Variants in SDAD1 observed in about 807,000 individuals in gnomAD.
SDAD1 encodes protein SDA1 homolog.
SDAD1 carries 79 observed loss-of-function variants against 100.3 expected under a neutral mutation model. That is an observed-to-expected ratio of 0.79 (90% CI 0.66 to 0.95). The LOEUF (loss-of-function observed/expected upper bound fraction) is 0.95, where lower values mean the gene tolerates loss of function less well. Ranked by LOEUF, SDAD1 falls within the 40% of genes least tolerant of loss-of-function variation. The probability of loss-of-function intolerance (pLI) is 0.00; values close to 1 mark genes in which losing one functional copy is unlikely to be tolerated. For synonymous variants in SDAD1, 267 were observed against 271.4 expected, an observed-to-expected ratio of 0.98 and a Z score of 0.16; for missense variants, 790 against 810.9, an observed-to-expected ratio of 0.97 and a Z score of 0.31.
intron 13 of SDAD1, among the ~76,000 whole-genome samples, chr4:75,965,316 C>T (rs1729475607): frequency 6.6e-6 from 1 of 152,222 alleles, no homozygotes; most frequent in Non-Finnish European, 1.5e-5. Context: ...TGTCTGCTCT[C>T]AAACCCTGTC....
chr4:75,953,073 G>C (rs1728702270), intron 21 of SDAD1, among the ~76,000 whole-genome samples: 1 of 152,096 alleles, frequency 6.6e-6, no homozygotes, highest in South Asian at 2.1e-4. Context: ...AGAAAATACA[G>C]GGCAAAGGGA....
At chr4:75,956,228 C>T (rs1728884969) in intron 20 of SDAD1, 92 bp from the exon 21 acceptor site, 2 of 1,382,946 alleles carry the variant, frequency 1.4e-6, no homozygotes, top group Non-Finnish European at 2.0e-6. Flanking sequence ...GTCAGAAGCT[C>T]TACTAGGTGC....
intron 17 of SDAD1, among the ~76,000 whole-genome samples, chr4:75,959,097 CAAAAAAA>C (rs61245198): frequency 2.3e-3 from 125 of 54,966 alleles, no homozygotes; most frequent in African/African-American, 9.7e-3. Flanking sequence ...GACTCTGTCT[CAAAAAAA>C]AAAAAAAAAA....
Position 75,955,984 on chromosome 4 carries a change from T to C in SDAD1, c.2007A>G (p.Arg669=). ...TTCAAGTGGAACTCACCTGTTTTTCTCGGAAGGAACGCTTATTTTTTGACC... is the reference window on the plus strand; with the variant it reads ...TTCAAGTGGAACTCACCTGTTTTTCCCGGAAGGAACGCTTATTTTTTGACC... ...NVRSKNKRSF[R]EKQLALRDAL... The change falls in exon 21 of 22, where the codon CGA becomes CGG. Residue 669 remains arginine (R), a synonymous_variant. Transcript: ENST00000356260. 8.1e-6 allele frequency: 13 copies of C among 1,596,572 alleles called. No individual in the cohort carries two copies. The highest frequency in any genetic ancestry group is 1.1e-5 in the Non-Finnish European group (13 of 1,175,848).
chr4:75,957,481 A>T, intron 19 of SDAD1, 37 bp downstream of exon 19: 1 of 1,612,094 alleles, frequency 6.2e-7, no homozygotes, highest in Non-Finnish European at 8.5e-7. Context: ...TTACCACATG[A>T]GCTGACTGAA....
intron 6 of SDAD1, among the ~76,000 whole-genome samples, chr4:75,974,358 G>A (rs1299081431): frequency 1.4e-5 from 2 of 143,112 alleles, no homozygotes; most frequent in Non-Finnish European, 3.0e-5. Context: ...CATTAAGACA[G>A]ACTATTTAAA....
chr4:75,970,099 G>A (rs995154516), intron 10 of SDAD1, among the ~76,000 whole-genome samples: 1 of 151,598 alleles, frequency 6.6e-6, no homozygotes, highest in African/African-American at 2.4e-5. Context: ...AGAAACATCC[G>A]TTTTTCCATA....
At chr4:75,978,816 A>C (rs59559903) in intron 3 of SDAD1, among the ~76,000 whole-genome samples, 25,484 of 147,362 alleles carry the variant, frequency 0.17, 3,261 homozygotes, top group African/African-American at 0.36. Context: ...TCTCTACACA[A>C]AAAAAAAAAA....
intron 6 of SDAD1, among the ~76,000 whole-genome samples, chr4:75,974,656 C>T (rs1298364875): frequency 6.6e-6 from 1 of 151,964 alleles, no homozygotes; most frequent in East Asian, 1.9e-4. Context: ...TTGCAGTGAG[C>T]CAAGATCACA....
At chr4:75,988,514 T>C (rs1430470056) in intron 1 of SDAD1, among the ~76,000 whole-genome samples, 1 of 152,190 alleles carries the variant, frequency 6.6e-6, no homozygotes, top group Non-Finnish European at 1.5e-5. Context: ...AATACCCATC[T>C]CACCCCCAAC....
At chr4:75,955,034 GT>G (rs1197017282) in intron 21 of SDAD1, among the ~76,000 whole-genome samples, 6 of 152,192 alleles carry the variant, frequency 3.9e-5, no homozygotes, top group Admixed American at 3.3e-4. Context: ...TTTACAACCA[GT>G]TTTTGCTGCA....
chr4:75,977,254 T>C (rs897655926), intron 4 of SDAD1, among the ~76,000 whole-genome samples: 5 of 152,224 alleles, frequency 3.3e-5, no homozygotes, highest in African/African-American at 9.6e-5. Flanking sequence ...CCAGCCAGTA[T>C]GGTGCAGTAG....
At chr4:75,973,886 T>C (rs1055458620) in intron 7 of SDAD1, among the ~76,000 whole-genome samples, 190 bp downstream of exon 7, 1 of 151,822 alleles carries the variant, frequency 6.6e-6, no homozygotes, top group African/African-American at 2.4e-5. Flanking sequence ...TCACTTAACA[T>C]AAACTGCATG....
chr4:75,957,971 C>G, intron 17 of SDAD1, 30 bp from the exon 18 acceptor site: 1 of 1,552,792 alleles, frequency 6.4e-7, no homozygotes, highest in Non-Finnish European at 8.9e-7. Context: ...CCACTACTGC[C>G]ATTTTATGTT....
Position 75,987,200 on chromosome 4 carries a change from C to G in SDAD1, c.90+3552G>C, listed in dbSNP as rs142744415. ...ATTTACCCTTTGAAAGTATACAATT[C>G]GGTTCTTCAGTATATTCACCAAGTT... On this transcript the variant is annotated intron_variant, in intron 1 of 21. Coordinates refer to ENST00000356260, the MANE Select transcript of SDAD1 (RefSeq NM_018115.4). 8.8e-4 allele frequency among the ~76,000 whole-genome samples: 134 copies of G among 152,192 alleles called. 3 individuals are homozygous for G. The highest frequency in any genetic ancestry group is 3.1e-3 in the African/African-American group (130 of 41,534).
chr4:75,989,232 G>C (rs1329976644), intron 1 of SDAD1, among the ~76,000 whole-genome samples: 1 of 152,096 alleles, frequency 6.6e-6, no homozygotes, highest in Non-Finnish European at 1.5e-5. Flanking sequence ...TCCACCAGTA[G>C]CTTCTGCACT....
intron 17 of SDAD1, among the ~76,000 whole-genome samples, chr4:75,959,118 A>C (rs868344923): frequency 0.011 from 1,656 of 148,914 alleles, 65 homozygotes; most frequent in African/African-American, 0.038. Flanking sequence ...AAAAAAAAAA[A>C]AAAAAAAAAA....
intron 2 of SDAD1, 58 bp from the exon 3 acceptor site, chr4:75,981,528 G>A (rs760050384): frequency 3.1e-6 from 5 of 1,607,600 alleles, no homozygotes. Flanking sequence ...TAATTCAGAT[G>A]CATACATTTA....
At chr4:75,968,267 G>C (rs1438292110) in intron 11 of SDAD1, among the ~76,000 whole-genome samples, 1 of 152,218 alleles carries the variant, frequency 6.6e-6, no homozygotes, top group Non-Finnish European at 1.5e-5. Context: ...AAAAAGCAAT[G>C]TAGTCAGCAA....
Sources: gnomAD v4.1 joint callset for allele counts (sites outside exome capture counted in the v4.1 genomes callset) on GRCh38, gnomAD v4.1.1 for gene constraint, MANE v1.5 for transcripts, NCBI Gene and HGNC (gene_info 2026-07-23, HGNC 2026-07-21) for gene names.